BDH1: variants seen among roughly 807,000 people sequenced by gnomAD.
BDH1 encodes the protein 3-hydroxybutyrate dehydrogenase 1.
A neutral mutation model predicts 33.1 loss-of-function variants in BDH1; 30 were observed. The observed-to-expected ratio is 0.91, with a 90% CI of 0.68 to 1.23. BDH1 has a LOEUF of 1.23. BDH1 is among the 50% of genes most tolerant of loss of function. The pLI, the probability that BDH1 is intolerant of heterozygous loss-of-function variation, is 0.00. For synonymous variants in BDH1, 190 were observed against 183.6 expected, an observed-to-expected ratio of 1.03 and a Z score of -0.28; for missense variants, 443 against 464.4, an observed-to-expected ratio of 0.95 and a Z score of 0.42.
Position 197,522,313 on chromosome 3 carries a change from C to T in BDH1, c.409+327G>A, listed in dbSNP as rs1235003569. 6.6e-6 allele frequency among the ~76,000 whole-genome samples: 1 copy of T among 152,122 alleles called. No individual in the cohort carries two copies. The highest frequency in any genetic ancestry group is 2.4e-5 in the African/African-American group (1 of 41,402). On this transcript the variant is annotated intron_variant, in intron 6 of 7. Transcript: ENST00000392379. The surrounding 1 kb of genome is among the most constrained non-coding windows in gnomAD (Gnocchi z 4.8). ...ATGAGGTCCTGGGGACAGAATGTGC[C>T]TTGACCATCTTTGTGTCCCTGGCAC...
chr3:197,539,150 T>C lies in BDH1; in HGVS notation c.84-5589A>G, dbSNP rs547451630. ...TTTTGAGATGGAGTTATATTTGAGA[T>C]GAGTTATATTTTTTTGAGATAAAGT... On this transcript the variant is annotated intron_variant, in intron 3 of 7. Coordinates refer to ENST00000392379, the MANE Select transcript of BDH1 (RefSeq NM_203314.3). 2.1e-4 allele frequency among the ~76,000 whole-genome samples: 32 copies of C among 152,234 alleles called. 1 individual carries two copies. The East Asian group carries it at 5.2e-3, about 25-fold the overall frequency.
Position 197,522,691 on chromosome 3 carries a change from C to T in BDH1, c.358G>A (p.Val120Met). The change falls in exon 6 of 8, where the codon GTG becomes ATG. Residue 120 changes from valine to methionine, a missense_variant. Val to Met is a conservative substitution (Grantham distance 21). Transcript: ENST00000392379. The surrounding 1 kb of genome is among the most constrained non-coding windows in gnomAD (Gnocchi z 4.8). ...CGGACAATCTCCACCACTTTCTCCACCTCTTCGCTGCTGCAGACATTGAGC... is the reference window on the plus strand; with the variant it reads ...CGGACAATCTCCACCACTTTCTCCATCTCTTCGCTGCTGCAGACATTGAGC... ...VQLNVCSSEEVEKVVEIVRSS... is the reference protein window; with the variant it reads ...VQLNVCSSEEMEKVVEIVRSS... The T allele has an allele frequency of 6.2e-7, 1 of 1,614,206 alleles. No individual in the cohort carries two copies. The highest frequency in any genetic ancestry group is 1.7e-5 in the Admixed American group (1 of 60,036).
intron 6 of BDH1, among the ~76,000 whole-genome samples, chr3:197,518,911 C>T (rs1251064439): frequency 1.0e-5 from 1 of 97,740 alleles, no homozygotes; most frequent in African/African-American, 4.1e-5. Context: ...CTGACCTCCC[C>T]GCCCCATCAG....
intron 1 of BDH1, among the ~76,000 whole-genome samples, chr3:197,569,555 A>G (rs1014302890): frequency 3.9e-5 from 6 of 152,172 alleles, no homozygotes; most frequent in African/African-American, 1.4e-4. Flanking sequence ...TTGAATCATG[A>G]GGGTAGTTTC....
rs1712790332 is a variant in BDH1 at position 197,516,908 on chromosome 3, G to T, written c.410-2492C>A. Among the ~76,000 whole-genome samples, 1 of 152,000 alleles carries T rather than the reference G, an allele frequency of 6.6e-6. No individual in the cohort carries two copies. The highest frequency in any genetic ancestry group is 1.5e-5 in the Non-Finnish European group (1 of 67,996). ...CACCCTGGAAAATAGATCCTAAATTGTCTCATATCCGGTTGAGGCAACTGA... is the reference window on the plus strand; with the variant it reads ...CACCCTGGAAAATAGATCCTAAATTTTCTCATATCCGGTTGAGGCAACTGA... On this transcript the variant is annotated intron_variant, in intron 6 of 7. Coordinates refer to ENST00000392379, the MANE Select transcript of BDH1 (RefSeq NM_203314.3). The surrounding 1 kb of genome is among the most constrained non-coding windows in gnomAD (Gnocchi z 4.2).
intron 3 of BDH1, among the ~76,000 whole-genome samples, chr3:197,536,682 A>G (rs13075081): frequency 0.22 from 32,719 of 152,024 alleles, 3,863 homozygotes; most frequent in African/African-American, 0.31. Context: ...CTCTACTAAA[A>G]ATACAAAAAA....
In BDH1 at chr3:197,520,545, G is replaced by A. The variant is rs996618823; in HGVS notation, c.409+2095C>T. On this transcript the variant is annotated intron_variant, in intron 6 of 7. Transcript: ENST00000392379. This position sits in a 1 kb window ranked among gnomAD's most constrained non-coding sequence, Gnocchi z 6.0. ...GTGATTCTGCCCCAGAGTCAGGGGG[G>A]CAGGGGACGAGGACCGCCAGCCTGA... Among the ~76,000 whole-genome samples, 19 of 152,112 alleles carry A rather than the reference G, an allele frequency of 1.2e-4. No individual in the cohort carries two copies. The highest frequency in any genetic ancestry group is 3.6e-4 in the African/African-American group (15 of 41,436).
chr3:197,532,314 C>T, intron 5 of BDH1, 98 bp downstream of exon 5: 2 of 1,001,926 alleles, frequency 2.0e-6, no homozygotes, highest in Non-Finnish European at 3.1e-6. Flanking sequence ...CTGGTTTAAG[C>T]AAAGGTGAGC....
rs1413410248 is a variant in BDH1 at position 197,546,414 on chromosome 3, CA to C, written c.29del (p.Leu10ArgfsTer9). 6.2e-7 allele frequency: 1 copy of C among 1,614,154 alleles called. No homozygotes were observed. Among genetic ancestry groups the C allele is most frequent in the Non-Finnish European group, 8.5e-7 (1 of 1,180,018 alleles). MLATRLSRPLSRLPGKTLSA... is the reference protein window; with the variant it reads MLATRLSRPXSRLPGKTLSA... ...TTAGGGTTTTTCCTGGGAGCCGTGA[CA>C]GGGGTCTGGAGAGGCGGGTGGCCAG... On this transcript the variant is annotated frameshift_variant, in exon 3 of 8. Coordinates refer to ENST00000392379, the MANE Select transcript of BDH1 (RefSeq NM_203314.3). LOFTEE classifies it high-confidence loss of function.
intron 1 of BDH1, among the ~76,000 whole-genome samples, chr3:197,565,702 G>T (rs1479922663): frequency 2.0e-5 from 3 of 152,118 alleles, no homozygotes; most frequent in African/African-American, 7.2e-5. Context: ...TTCTTTGTCA[G>T]TTGTGTCTTT....
chr3:197,515,022 T>C (rs1167503918), intron 6 of BDH1, among the ~76,000 whole-genome samples: 2 of 152,238 alleles, frequency 1.3e-5, no homozygotes, highest in Non-Finnish European at 2.9e-5. Flanking sequence ...CCCGGGCCGA[T>C]AGCCCCGTGC....
chr3:197,539,211 C>T (rs905930514), intron 3 of BDH1, among the ~76,000 whole-genome samples: 15 of 152,172 alleles, frequency 9.9e-5, no homozygotes, highest in Non-Finnish European at 2.9e-5. Context: ...TGCAGTGGCG[C>T]GATCTTGGCT....
rs1275218749 is a variant in BDH1, at chr3:197,514,530, C to T, written c.410-114G>A. ...TCTTTCCTGTGACTTCCCAGCCTCT[C>T]GCCCAGTGCTCTCAAGAAACTTTCT... On this transcript the variant is annotated intron_variant, in intron 6 of 7. Transcript: ENST00000392379. This position sits in a 1 kb window ranked among gnomAD's most constrained non-coding sequence, Gnocchi z 4.2. 3.7e-5 allele frequency: 46 copies of T among 1,249,420 alleles called. No individual in the cohort carries two copies. Among genetic ancestry groups the T allele is most frequent in the East Asian group, 5.1e-5 (2 of 39,586 alleles). 77.4% of individuals were successfully genotyped at this position (1,249,420 alleles called of 1,614,324 possible).
chr3:197,564,721 C>T (rs1168575161), intron 1 of BDH1, among the ~76,000 whole-genome samples: 1 of 152,064 alleles, frequency 6.6e-6, no homozygotes, highest in Non-Finnish European at 1.5e-5. Flanking sequence ...ATGTCAAAGG[C>T]ACACTGATGC....
At position 197,531,152 on chromosome 3, in the gene BDH1, T is replaced by G. The variant is rs1579930050; in HGVS notation, c.267+1260A>C. Reference sequence around the variant, plus strand: ...GGCTCACGCCTGTAATCCCAGCACTTTGGGAGGCCAAGGTGAGTGGATCAC... The same window carrying G: ...GGCTCACGCCTGTAATCCCAGCACTGTGGGAGGCCAAGGTGAGTGGATCAC... On this transcript the variant is annotated intron_variant, in intron 5 of 7. Transcript: ENST00000392379. 1.3e-5 allele frequency among the ~76,000 whole-genome samples: 2 copies of G among 152,210 alleles called. 1 individual carries two copies. Among genetic ancestry groups the G allele is most frequent in the South Asian group, 4.1e-4 (2 of 4,832 alleles).
intron 5 of BDH1, among the ~76,000 whole-genome samples, chr3:197,524,551 G>C (rs1217574701): frequency 1.3e-5 from 2 of 152,210 alleles, no homozygotes; most frequent in Non-Finnish European, 2.9e-5. Context: ...CCGGAGAGAA[G>C]ACTTGAGTGG....
intron 5 of BDH1, among the ~76,000 whole-genome samples, chr3:197,527,212 G>A (rs1317469387): frequency 6.6e-6 from 1 of 152,212 alleles, no homozygotes; most frequent in Non-Finnish European, 1.5e-5. Flanking sequence ...TTCACAGGAT[G>A]GGCAGGAGGA....
intron 7 of BDH1, among the ~76,000 whole-genome samples, chr3:197,513,319 C>T (rs1448453466): frequency 1.3e-5 from 2 of 151,216 alleles, no homozygotes; most frequent in African/African-American, 2.5e-5. Flanking sequence ...AGGTGTGTCC[C>T]GGGGAGGGCA....
intron 1 of BDH1, among the ~76,000 whole-genome samples, chr3:197,570,384 G>A (rs1265459673): frequency 1.3e-5 from 2 of 152,232 alleles, no homozygotes; most frequent in Non-Finnish European, 2.9e-5. Context: ...AAGTAATGAA[G>A]AGCCAGATTG....
Sources: gnomAD v4.1 joint callset for allele counts (sites outside exome capture counted in the v4.1 genomes callset) on GRCh38, gnomAD v4.1.1 for gene constraint, Gnocchi (gnomAD v3.1) non-coding constraint, MANE v1.5 for transcripts, NCBI Gene and HGNC (gene_info 2026-07-23, HGNC 2026-07-21) for gene names.